The following CUL4B variants were observed in gnomAD, a reference collection of about 807,000 sequenced individuals.
The protein encoded by CUL4B is cullin-4B.
Under a neutral mutation model 69.2 loss-of-function variants are expected in CUL4B, and 1 was observed. The ratio of observed to expected loss-of-function variants is 0.01; its 90% confidence interval spans 0.01 to 0.07. The LOEUF (loss-of-function observed/expected upper bound fraction) is 0.07. CUL4B is among the 10% of genes least tolerant of loss of function. CUL4B has a pLI of 1.00. For synonymous variants in CUL4B, 237 were observed against 223.2 expected (o/e 1.06, Z -0.55); for missense variants, 328 against 638.8 (o/e 0.51, Z 5.24).
intron 2 of CUL4B, among the ~76,000 whole-genome samples, chrX:120,572,675 A>G (rs1285510840): frequency 1.8e-5 from 2 of 110,953 alleles, no homozygotes; most frequent in South Asian, 3.8e-4. Context: ...AGGATCACAC[A>G]GTATAAATTT....
At chrX:120,527,082 C>T (rs183674741) in intron 19 of CUL4B, among the ~76,000 whole-genome samples, 222 of 100,994 alleles carry the variant, frequency 2.2e-3, no homozygotes, top group African/African-American at 7.9e-3. Context: ...TTTTTTGAGA[C>T]GGAGTCTCGC....
intron 2 of CUL4B, among the ~76,000 whole-genome samples, chrX:120,549,406 G>A (rs187969085): frequency 2.7e-4 from 30 of 111,546 alleles, no homozygotes; most frequent in African/African-American, 9.5e-4. Context: ...ACAAAAATTA[G>A]CCGGGTGTGG....
chrX:120,569,942 G>C (rs1464116219), downstream of CUL4B, among the ~76,000 whole-genome samples: 1 of 111,864 alleles, frequency 8.9e-6, no homozygotes, highest in Non-Finnish European at 1.9e-5. Flanking sequence ...TAAAGGAAGA[G>C]AGAGTAAGGC....
At chrX:120,526,928 T>C in intron 19 of CUL4B, 72 bp from the exon 20 acceptor site, 1 of 566,840 alleles carries the variant, frequency 1.8e-6, no homozygotes. Context: ...TAATACCCCA[T>C]TAAAAAGACA....
In CUL4B at chrX:120,560,261, T is replaced by TGAG. The variant is rs754330779; in HGVS notation, c.375_377dup (p.Ser128dup). The TGAG allele has an allele frequency of 3.1e-5, 37 of 1,208,157 alleles. No individual in the cohort carries two copies. Among genetic ancestry groups the TGAG allele is most frequent in the East Asian group, 1.2e-4 (4 of 33,732 alleles). Reference sequence around the variant, plus strand: ...GAGATGTTGCAGCAGTTGGTGAAGATGAGGAGGAGGAGGAGGAGGATTCCT... The same window carrying TGAG: ...GAGATGTTGCAGCAGTTGGTGAAGATGAGGAGGAGGAGGAGGAGGAGGATTCCT... On this transcript the variant is annotated inframe_insertion, in exon 1 of 20. Coordinates refer to ENST00000371322, the MANE Select transcript of CUL4B (RefSeq NM_001079872.2).
At chrX:120,535,772 A>G in intron 16 of CUL4B, 58 bp downstream of exon 16, 1 of 676,559 alleles carries the variant, frequency 1.5e-6, no homozygotes, top group Non-Finnish European at 2.4e-6. Context: ...GTTAAGAAGG[A>G]TGACCTAAAC....
chrX:120,563,380 A>G (rs1925397945), upstream of CUL4B, among the ~76,000 whole-genome samples: 1 of 111,731 alleles, frequency 9.0e-6, no homozygotes, highest in African/African-American at 3.3e-5. Flanking sequence ...GACTACAGGC[A>G]TGTATCACTA....
Position 120,524,513 on chromosome X carries a change from A to G in CUL4B, c.*2248T>C, listed in dbSNP as rs763226397. ...AAAAAGTTTAAAAATAACAAAATCA[A>G]CAAATGTGAGTTCATTAGAAGTTGT... On this transcript the variant is annotated 3_prime_UTR_variant, in exon 20 of 20. Coordinates refer to ENST00000371322, the MANE Select transcript of CUL4B (RefSeq NM_001079872.2). The G allele has an allele frequency of 5.3e-5, 6 of 112,187 alleles. No individual in the cohort carries two copies. In the East Asian group the frequency reaches 1.7e-3, roughly 31 times the overall value. 9.2% of individuals were successfully genotyped at this position (112,187 alleles called of 1,213,427 possible). A position where few individuals can be genotyped will look rare whatever the true frequency, so the allele number is the denominator to read the frequency against.
At position 120,538,706 on chromosome X, in the gene CUL4B, A is replaced by G; in HGVS notation, c.1806T>C (p.Ser602=). The stretch of plus-strand genomic sequence containing the variant: ...TTGATTTTTCAGCATCTACAGATGC[A>G]CTCTTTCCGACTAACAGGCGCTTGG... The part of the protein sequence containing the change: ...DLAKRLLVGK[S]ASVDAEKSML... The change falls in exon 13 of 20, where the codon AGT becomes AGC. Residue 602 remains serine (S), a synonymous_variant. Coordinates refer to ENST00000371322, the MANE Select transcript of CUL4B (RefSeq NM_001079872.2). 8.3e-7 allele frequency: 1 copy of G among 1,206,394 alleles called. No individual in the cohort carries two copies. The highest frequency in any genetic ancestry group is 1.1e-6 in the Non-Finnish European group (1 of 891,039).
At chrX:120,537,313 T>C (rs1923732505) in intron 14 of CUL4B, among the ~76,000 whole-genome samples, 1 of 111,474 alleles carries the variant, frequency 9.0e-6, no homozygotes, top group Admixed American at 9.6e-5. Flanking sequence ...TGGGCCGTTA[T>C]AGGATCTCTT....
chrX:120,549,566 A>C (rs183735092), intron 2 of CUL4B, among the ~76,000 whole-genome samples: 70 of 111,039 alleles, frequency 6.3e-4, no homozygotes, highest in South Asian at 1.1e-3. Context: ...AAAAGAAGAG[A>C]AGAGCAGAGC....
intron 18 of CUL4B, among the ~76,000 whole-genome samples, chrX:120,532,002 A>G (rs1923348325): frequency 9.0e-6 from 1 of 111,380 alleles, no homozygotes; most frequent in Admixed American, 9.6e-5. Flanking sequence ...AATTTATCAT[A>G]TATCAGAGAT....
chrX:120,559,866 C>T (rs1286294513), intron 1 of CUL4B: 2 of 1,143,700 alleles, frequency 1.7e-6, no homozygotes, highest in African/African-American at 3.7e-5. Context: ...CCTCAAAATA[C>T]TGCACAGAAA....
At chrX:120,555,299 T>G (rs1204974476) in intron 2 of CUL4B, among the ~76,000 whole-genome samples, 2 of 111,881 alleles carry the variant, frequency 1.8e-5, no homozygotes, top group Non-Finnish European at 3.8e-5. Flanking sequence ...CAATAAACAT[T>G]TGTTACAAAT....
intron 4 of CUL4B, among the ~76,000 whole-genome samples, chrX:120,545,815 T>A (rs1030438388): frequency 2.3e-4 from 21 of 90,068 alleles, no homozygotes; most frequent in African/African-American, 9.6e-4. Flanking sequence ...GCCACAGTGC[T>A]AGGGAATGAA....
chrX:120,564,775 A>G (rs1013884560), upstream of CUL4B, among the ~76,000 whole-genome samples: 3 of 112,474 alleles, frequency 2.7e-5, no homozygotes, highest in East Asian at 8.3e-4. Context: ...GGTTGAACTC[A>G]CGGGAGCCAC....
chrX:120,547,278 G>A, intron 2 of CUL4B, 39 bp from the exon 3 acceptor site: 5 of 814,651 alleles, frequency 6.1e-6, no homozygotes, highest in Non-Finnish European at 9.3e-6. Context: ...GAGGATGAAG[G>A]ATTTCTCAAC....
Position 120,559,817 on chromosome X carries a change from A to G in CUL4B, c.556+266T>C, listed in dbSNP as rs1925177484. 6 of 1,110,646 alleles carry G rather than the reference A, an allele frequency of 5.4e-6. No individual in the cohort carries two copies. The highest frequency in any genetic ancestry group is 7.2e-6 in the Non-Finnish European group (6 of 837,895). 91.5% of individuals were successfully genotyped at this position (1,110,646 alleles called of 1,213,427 possible). On this transcript the variant is annotated intron_variant, in intron 1 of 19. Coordinates refer to ENST00000371322, the MANE Select transcript of CUL4B (RefSeq NM_001079872.2). The stretch of plus-strand genomic sequence containing the variant: ...ATCAATCATACCGATTGTCAGTGTT[A>G]TAAGGAATAACAGATTAAATACAAT...
intron 10 of CUL4B, 54 bp from the exon 11 acceptor site, chrX:120,540,616 CAATCCCCA>C (rs1602576314): frequency 5.8e-6 from 5 of 865,024 alleles, no homozygotes; most frequent in Non-Finnish European, 8.4e-6. Flanking sequence ...ACAATGAAAA[CAATCCCCA>C]AATCATATTT....
Sources: allele counts gnomAD v4.1 joint callset (sites outside exome capture counted in the v4.1 genomes callset), GRCh38; gene constraint gnomAD v4.1.1; transcripts MANE v1.5; gene names NCBI Gene and HGNC (gene_info 2026-07-23, HGNC 2026-07-21).